FBXL2: variants seen among roughly 807,000 people sequenced by gnomAD.
The protein encoded by FBXL2 is F-box and leucine rich repeat protein 2.
In FBXL2, 38 loss-of-function variants were observed where a neutral mutation model predicts 69.2. The ratio of observed to expected loss-of-function variants is 0.55; its 90% CI spans 0.42 to 0.72. The LOEUF (loss-of-function observed/expected upper bound fraction) is 0.72. FBXL2 is among the 30% of genes least tolerant of loss of function. The pLI is 0.00. For synonymous variants in FBXL2, 192 were observed against 201.3 expected (o/e 0.95, Z 0.39); for missense variants, 354 against 520.3 (o/e 0.68, Z 3.11).
intron 1 of FBXL2, among the ~76,000 whole-genome samples, chr3:33,286,937 A>G (rs563947435): frequency 6.6e-6 from 1 of 152,186 alleles, no homozygotes. Context: ...ACCATTTGTC[A>G]CGGCTTCCCT....
At chr3:33,364,937 C>T (rs67835672) in intron 5 of FBXL2, among the ~76,000 whole-genome samples, 41,130 of 151,872 alleles carry the variant, frequency 0.27, 6,403 homozygotes, top group East Asian at 0.47. Flanking sequence ...TTATTTCCCC[C>T]GGCCGAGTGT....
chr3:33,400,441 T>TA (rs1435165041), intron 12 of FBXL2, among the ~76,000 whole-genome samples: 1 of 152,060 alleles, frequency 6.6e-6, no homozygotes, highest in African/African-American at 2.4e-5. Flanking sequence ...GTCAGAAACT[T>TA]AAACATGATA....
chr3:33,413,065 G>C, the FBXL2 span, among the ~76,000 whole-genome samples: 2 of 152,110 alleles, frequency 1.3e-5, no homozygotes, highest in Admixed American at 6.5e-5. Flanking sequence ...CTTAGGTATT[G>C]ATTTTATAAA....
chr3:33,349,457 G>T (rs951276024), intron 2 of FBXL2, among the ~76,000 whole-genome samples: 1 of 152,086 alleles, frequency 6.6e-6, no homozygotes, highest in South Asian at 2.1e-4. Context: ...TAACTCTCAC[G>T]TGTTCATGAT....
chr3:33,376,398 C>T (rs920501703), intron 10 of FBXL2, among the ~76,000 whole-genome samples: 5 of 152,124 alleles, frequency 3.3e-5, no homozygotes, highest in Non-Finnish European at 7.4e-5. Context: ...TTGTATATTT[C>T]TGCTTTTACC....
chr3:33,422,325 G>A, the FBXL2 span, among the ~76,000 whole-genome samples: 1 of 152,008 alleles, frequency 6.6e-6, no homozygotes, highest in Non-Finnish European at 1.5e-5. Context: ...AGGACTGCTT[G>A]AGCCCAGGAG....
chr3:33,299,509 A>C (rs1335002674), intron 2 of FBXL2, among the ~76,000 whole-genome samples: 1 of 152,200 alleles, frequency 6.6e-6, no homozygotes, highest in Non-Finnish European at 1.5e-5. Flanking sequence ...TCTCTTCCCA[A>C]GTTCACCACA....
At chr3:33,397,408 C>T (rs539750990) in intron 12 of FBXL2, 7 of 248,994 alleles carry the variant, frequency 2.8e-5, no homozygotes, top group African/African-American at 6.7e-5. Flanking sequence ...GAACTCTTCC[C>T]GATATAGGAT....
chr3:33,416,876 A>C, the FBXL2 span: 1 of 1,485,354 alleles, frequency 6.7e-7, no homozygotes, highest in East Asian at 2.3e-5. Flanking sequence ...CCTTATAAAG[A>C]ACATCACTTT....
At chr3:33,280,413 C>T (rs569355555) in intron 1 of FBXL2, among the ~76,000 whole-genome samples, 55 of 152,152 alleles carry the variant, frequency 3.6e-4, no homozygotes, top group East Asian at 9.7e-4. Context: ...ACAATTGTTA[C>T]GAAAAGACTT....
At chr3:33,402,876 G>A (rs1451000859) in intron 12 of FBXL2, 2 of 1,610,830 alleles carry the variant, frequency 1.2e-6, no homozygotes, top group Non-Finnish European at 1.7e-6. Flanking sequence ...ATTCACATAG[G>A]CTGTGGGGGC....
intron 9 of FBXL2, among the ~76,000 whole-genome samples, chr3:33,374,450 T>C (rs2042504952): frequency 6.6e-6 from 1 of 152,232 alleles, no homozygotes; most frequent in Non-Finnish European, 1.5e-5. Context: ...TTGAAGAGGA[T>C]GCTTGCTACA....
At chr3:33,321,897 C>G (rs2038256173) in intron 2 of FBXL2, among the ~76,000 whole-genome samples, 1 of 151,976 alleles carries the variant, frequency 6.6e-6, no homozygotes. Context: ...ATGTCATTAT[C>G]CAGTGCATGA....
chr3:33,419,628 CAAA>C, the FBXL2 span, among the ~76,000 whole-genome samples: 1 of 100,822 alleles, frequency 9.9e-6, no homozygotes. Context: ...GACTCCATCT[CAAA>C]AAAAAAAAAA....
chr3:33,356,114 G>C (rs971261008), intron 2 of FBXL2, among the ~76,000 whole-genome samples: 18 of 152,254 alleles, frequency 1.2e-4, no homozygotes, highest in South Asian at 6.2e-4. Flanking sequence ...GTGTCTCAGC[G>C]TGTGAGCTCT....
At chr3:33,416,701 CAAA>C in the FBXL2 span, 5 of 1,331,422 alleles carry the variant, frequency 3.8e-6, no homozygotes, top group Non-Finnish European at 5.2e-6. Flanking sequence ...TTTTTTTAAA[CAAA>C]AACTCATTCA....
intron 2 of FBXL2, among the ~76,000 whole-genome samples, chr3:33,326,609 C>A (rs1239417432): frequency 6.6e-6 from 1 of 151,906 alleles, no homozygotes; most frequent in Admixed American, 6.6e-5. Flanking sequence ...TCCAATTTAA[C>A]TTTTGCTTAA....
intron 2 of FBXL2, among the ~76,000 whole-genome samples, chr3:33,357,990 C>G (rs72852017): frequency 1.3e-5 from 2 of 152,200 alleles, no homozygotes; most frequent in South Asian, 2.1e-4. Flanking sequence ...ACAACACTTT[C>G]ATGTTTTATG....
chr3:33,337,642 A>G lies in FBXL2; in HGVS notation c.66-21325A>G, dbSNP rs2039695516. 4.6e-5 allele frequency among the ~76,000 whole-genome samples: 7 copies of G among 152,330 alleles called. No homozygotes were observed. In the South Asian group the frequency reaches 1.4e-3, roughly 32 times the overall value. On this transcript the variant is annotated intron_variant, in intron 2 of 14. Transcript: ENST00000484457. Reference sequence around the variant, plus strand: ...CAATCAGGCAAAAGAAAGAAAGAAAAGGGATCCAGGTAGGAAGAAAGGAAG... The same window carrying G: ...CAATCAGGCAAAAGAAAGAAAGAAAGGGGATCCAGGTAGGAAGAAAGGAAG...
Sources: gnomAD v4.1 joint callset for allele counts (sites outside exome capture counted in the v4.1 genomes callset) on GRCh38, gnomAD v4.1.1 for gene constraint, MANE v1.5 for transcripts, NCBI Gene and HGNC (gene_info 2026-07-23, HGNC 2026-07-21) for gene names.